IPO11: variants seen among roughly 807,000 people sequenced by gnomAD.
The protein encoded by IPO11 is importin-11.
IPO11 carries 66 observed loss-of-function variants against 143.2 expected under a neutral mutation model. That is an observed-to-expected ratio of 0.46 (90% CI 0.38 to 0.57). The LOEUF is 0.57. Ranked by LOEUF, IPO11 falls within the 20% of genes least tolerant of loss-of-function variation. The pLI, the probability that IPO11 is intolerant of heterozygous loss-of-function variation, is 0.00. For missense variants in IPO11, 1,026 were observed against 1,141.0 expected (o/e 0.90, Z 1.45); for synonymous variants, 385 against 377.8 (o/e 1.02, Z -0.22).
At chr5:62,557,738 G>GTTC (rs1458574762) in intron 26 of IPO11, among the ~76,000 whole-genome samples, 1 of 152,036 alleles carries the variant, frequency 6.6e-6, no homozygotes, top group Non-Finnish European at 1.5e-5. Context: ...AGAATGCTGT[G>GTTC]TTCTTATTCT....
chr5:62,608,342 A>T (rs114410272), intron 29 of IPO11, among the ~76,000 whole-genome samples: 18 of 152,026 alleles, frequency 1.2e-4, no homozygotes, highest in African/African-American at 4.4e-4. Flanking sequence ...TCTATTTCAG[A>T]CTTACTGTAT....
intron 29 of IPO11, among the ~76,000 whole-genome samples, chr5:62,616,846 T>C (rs1746158316): frequency 6.6e-6 from 1 of 151,986 alleles, no homozygotes; most frequent in Non-Finnish European, 1.5e-5. Context: ...AGATGGAAAA[T>C]TTTTAGCCCC....
In IPO11 at chr5:62,427,940, T is replaced by C. The variant is rs558893688; in HGVS notation, c.-6-9334T>C. On this transcript the variant is annotated intron_variant, in intron 1 of 29. Coordinates refer to ENST00000325324, the MANE Select transcript of IPO11 (RefSeq NM_016338.5). ...TTTGAGGTATTAATAACGTATAGTG[T>C]GCAGGGACAGATATGCTAAACAACC... Among the ~76,000 whole-genome samples, 8 of 152,360 alleles carry C rather than the reference T, an allele frequency of 5.3e-5. No homozygotes were observed. The South Asian group carries it at 1.7e-3, about 32-fold the overall frequency.
chr5:62,627,141 C>T lies in IPO11; in HGVS notation c.2764-13C>T, dbSNP rs979167818. 6.8e-6 allele frequency: 11 copies of T among 1,610,752 alleles called. No individual in the cohort carries two copies. The highest frequency in any genetic ancestry group is 9.3e-6 in the Non-Finnish European group (11 of 1,177,896). The stretch of plus-strand genomic sequence containing the variant: ...GCTTTTTTGACAGTCTTGCTCCTCT[C>T]TGTATCCCACAGCTGGCCCTGAAGG... On this transcript the variant is annotated splice_polypyrimidine_tract_variant and intron_variant, in intron 29 of 29. Coordinates refer to ENST00000325324, the MANE Select transcript of IPO11 (RefSeq NM_016338.5).
At chr5:62,548,049 T>C (rs940042679) in intron 24 of IPO11, among the ~76,000 whole-genome samples, 5 of 150,184 alleles carry the variant, frequency 3.3e-5, no homozygotes, top group Non-Finnish European at 7.4e-5. Flanking sequence ...CCTTCATGAG[T>C]TGTTAATTGT....
chr5:62,485,961 A>T (rs1406376141), intron 12 of IPO11, among the ~76,000 whole-genome samples: 1 of 148,906 alleles, frequency 6.7e-6, no homozygotes, highest in Non-Finnish European at 1.5e-5. Flanking sequence ...GTTTAATCTG[A>T]GTTTTTTTTC....
At chr5:62,556,819 C>T (rs997552182) in intron 26 of IPO11, among the ~76,000 whole-genome samples, 1 of 152,088 alleles carries the variant, frequency 6.6e-6, no homozygotes, top group Non-Finnish European at 1.5e-5. Flanking sequence ...CTTTCATCGT[C>T]TTTCCATCCT....
chr5:62,556,616 A>G (rs570417567), intron 26 of IPO11, among the ~76,000 whole-genome samples: 44 of 152,282 alleles, frequency 2.9e-4, no homozygotes, highest in East Asian at 1.2e-3. Flanking sequence ...TTGAGGCTGC[A>G]CTTAGCTGTG....
At chr5:62,416,182 CTTTTTTTT>C (rs869236693) in intron 1 of IPO11, among the ~76,000 whole-genome samples, 3 of 123,508 alleles carry the variant, frequency 2.4e-5, no homozygotes, top group African/African-American at 3.0e-5. Flanking sequence ...TTTTTCTTTT[CTTTTTTTT>C]TTTTTTTTTG....
intron 29 of IPO11, 72 bp from the exon 30 acceptor site, chr5:62,627,082 C>A: frequency 7.3e-7 from 1 of 1,373,272 alleles, no homozygotes; most frequent in Non-Finnish European, 1.0e-6. Context: ...TTACAAAGAA[C>A]TTTTGTAAAT....
At chr5:62,577,988 T>C (rs1397548549) in intron 27 of IPO11, among the ~76,000 whole-genome samples, 1 of 152,122 alleles carries the variant, frequency 6.6e-6, no homozygotes, top group Non-Finnish European at 1.5e-5. Flanking sequence ...ATAAACAATT[T>C]ATATCCGATT....
At chr5:62,606,122 GTA>G (rs1233837977) in intron 29 of IPO11, among the ~76,000 whole-genome samples, 1 of 152,012 alleles carries the variant, frequency 6.6e-6, no homozygotes, top group African/African-American at 2.4e-5. Flanking sequence ...TAAAATATGT[GTA>G]TATTGCAGAA....
At chr5:62,552,117 C>CT (rs1480910933) in intron 26 of IPO11, among the ~76,000 whole-genome samples, 3 of 151,912 alleles carry the variant, frequency 2.0e-5, no homozygotes, top group African/African-American at 7.3e-5. Context: ...GAGAGAAACT[C>CT]TGTCTCAAAA....
intron 21 of IPO11, among the ~76,000 whole-genome samples, chr5:62,527,138 C>T (rs894933902): frequency 3.9e-5 from 6 of 152,124 alleles, no homozygotes; most frequent in African/African-American, 7.2e-5. Flanking sequence ...TTGTGGTTTG[C>T]GTTCTTCAGA....
At chr5:62,540,971 T>C (rs1448908919) in intron 24 of IPO11, among the ~76,000 whole-genome samples, 1 of 152,244 alleles carries the variant, frequency 6.6e-6, no homozygotes, top group Non-Finnish European at 1.5e-5. Flanking sequence ...AATACTTAAG[T>C]ACATTAATTA....
intron 27 of IPO11, among the ~76,000 whole-genome samples, chr5:62,590,126 C>T (rs1420173596): frequency 6.6e-6 from 1 of 152,204 alleles, no homozygotes; most frequent in Non-Finnish European, 1.5e-5. Context: ...TATTACTTGC[C>T]AATTGTAGCA....
chr5:62,608,437 A>G (rs2112460599), intron 29 of IPO11, among the ~76,000 whole-genome samples: 2 of 152,340 alleles, frequency 1.3e-5, no homozygotes, highest in Non-Finnish European at 2.9e-5. Flanking sequence ...AAACCACTAG[A>G]ATAAGAATTA....
intron 9 of IPO11, among the ~76,000 whole-genome samples, chr5:62,480,184 T>C (rs1746134001): frequency 6.6e-6 from 1 of 152,258 alleles, no homozygotes; most frequent in Admixed American, 6.5e-5. Flanking sequence ...CAGCACCATT[T>C]ATTCAATAGG....
intron 29 of IPO11, among the ~76,000 whole-genome samples, chr5:62,615,270 C>G (rs970087925): frequency 1.3e-5 from 2 of 152,164 alleles, no homozygotes; most frequent in Admixed American, 6.5e-5. Context: ...CAGAACAACC[C>G]CCTCCAATAA....
Sources: allele counts gnomAD v4.1 joint callset (sites outside exome capture counted in the v4.1 genomes callset), GRCh38; gene constraint gnomAD v4.1.1; transcripts MANE v1.5; gene names NCBI Gene and HGNC (gene_info 2026-07-23, HGNC 2026-07-21).